CFAP43: variants seen among roughly 807,000 people sequenced by gnomAD.
The protein encoded by CFAP43 is cilia and flagella associated protein 43.
A neutral mutation model predicts 218.9 loss-of-function variants in CFAP43; 155 were observed. The observed-to-expected ratio is 0.71, with a 90% CI of 0.62 to 0.81. The LOEUF is 0.81. Ranked by LOEUF, CFAP43 falls within the 30% of genes least tolerant of loss-of-function variation. The pLI, the probability that CFAP43 is intolerant of heterozygous loss-of-function variation, is 0.00. For synonymous variants in CFAP43, 645 were observed against 681.3 expected (o/e 0.95, Z 0.83); for missense variants, 1,778 against 1,954.3 (o/e 0.91, Z 1.70).
In CFAP43 at chr10:104,159,965, G is replaced by A. The variant is rs543614433; in HGVS notation, c.3540+1072C>T. Among the ~76,000 whole-genome samples the A allele has an allele frequency of 1.4e-4, 22 of 152,302 alleles. No individual in the cohort carries two copies. The South Asian group carries it at 4.4e-3, about 30-fold the overall frequency. On this transcript the variant is annotated intron_variant, in intron 27 of 37. Transcript: ENST00000357060. ...GCTAGGGGAAAAATGGAGTAGCATT[G>A]CGGACCAGCTCTAAGGACCCAGTTG...
At chr10:104,200,311 A>G (rs2134939163) in intron 8 of CFAP43, among the ~76,000 whole-genome samples, 1 of 152,224 alleles carries the variant, frequency 6.6e-6, no homozygotes. Context: ...TTCCCAGTTC[A>G]TCTGCATCTC....
chr10:104,169,330 G>A (rs1289509907), intron 20 of CFAP43, among the ~76,000 whole-genome samples: 2 of 152,184 alleles, frequency 1.3e-5, no homozygotes, highest in African/African-American at 4.8e-5. Context: ...CACATTTGAA[G>A]TGCCAGTTTG....
intron 2 of CFAP43, 47 bp from the exon 3 acceptor site, chr10:104,225,604 G>C (rs747458463): frequency 6.8e-7 from 1 of 1,468,528 alleles, no homozygotes; most frequent in Non-Finnish European, 9.4e-7. Flanking sequence ...TTAAGACCAT[G>C]TTCAGTTAAC....
intron 16 of CFAP43, among the ~76,000 whole-genome samples, chr10:104,183,077 ACACATAAT>A (rs933237015): frequency 2.2e-4 from 34 of 152,220 alleles, no homozygotes; most frequent in African/African-American, 8.2e-4. Flanking sequence ...GCTACTTCAC[ACACATAAT>A]CACATGTGGC....
At chr10:104,157,779 A>C (rs1657337) in intron 27 of CFAP43, among the ~76,000 whole-genome samples, 1 of 97,466 alleles carries the variant, frequency 1.0e-5, no homozygotes, top group African/African-American at 3.7e-5. Flanking sequence ...TGTGTGTGAG[A>C]GAGAGAGAGA....
At chr10:104,210,104 G>T (rs935442649) in intron 5 of CFAP43, among the ~76,000 whole-genome samples, 2 of 152,056 alleles carry the variant, frequency 1.3e-5, no homozygotes, top group Admixed American at 6.6e-5. Context: ...AGGAAATAAC[G>T]AGAAGAAATA....
intron 34 of CFAP43, among the ~76,000 whole-genome samples, chr10:104,137,335 T>A (rs574760578): frequency 6.6e-6 from 1 of 152,266 alleles, no homozygotes; most frequent in South Asian, 2.1e-4. Flanking sequence ...CTTAAAAACA[T>A]GCTAAGTGAA....
intron 24 of CFAP43, among the ~76,000 whole-genome samples, chr10:104,162,899 G>A (rs554423059): frequency 1.3e-5 from 2 of 152,172 alleles, no homozygotes; most frequent in East Asian, 1.9e-4. Context: ...AGGCAGAGAA[G>A]GGACATAGTA....
intron 4 of CFAP43, among the ~76,000 whole-genome samples, chr10:104,213,390 GCT>G (rs2090920165): frequency 6.6e-6 from 1 of 152,072 alleles, no homozygotes; most frequent in African/African-American, 2.4e-5. Flanking sequence ...GAGTCTCCGA[GCT>G]CTTTCTCAAC....
Position 104,166,798 on chromosome 10 carries a change from T to G in CFAP43, c.2809-80A>C, listed in dbSNP as rs182779728. The stretch of plus-strand genomic sequence containing the variant: ...GGGAAATTTTGTGACAACTTAATTA[T>G]TTCAACAATCATTTTAATTTGTTGA... On this transcript the variant is annotated intron_variant, in intron 22 of 37. Transcript: ENST00000357060. The G allele has an allele frequency of 2.2e-3, 2,628 of 1,213,110 alleles. 10 individuals carry two copies. Among genetic ancestry groups the G allele is most frequent in the South Asian group, 3.0e-3 (204 of 67,742 alleles). 75.1% of individuals were successfully genotyped at this position (1,213,110 alleles called of 1,614,324 possible). A position where few individuals can be genotyped will look rare whatever the true frequency, so the allele number is the denominator to read the frequency against.
chr10:104,206,170 C>T lies in CFAP43; in HGVS notation c.896-140G>A, dbSNP rs557792356. The T allele has an allele frequency of 9.2e-6, 6 of 649,586 alleles. No individual in the cohort carries two copies. In the South Asian group the frequency reaches 1.3e-4, roughly 14 times the overall value. The allele number at this position is 649,586 out of a possible 1,614,324, so 40.2% of individuals were successfully genotyped here. On this transcript the variant is annotated intron_variant, in intron 6 of 37. Transcript: ENST00000357060. ...TCTATCATCAGATCTATGTAACTAA[C>T]ATAGATGCTAGATTAGAGAGAGGAG...
In CFAP43 at chr10:104,192,806, G is replaced by C. The variant is rs551417544; in HGVS notation, c.1443-504C>G. 1.8e-5 allele frequency: 3 copies of C among 170,356 alleles called. No homozygotes were observed. In the South Asian group the frequency reaches 4.7e-4, roughly 27 times the overall value. The allele number at this position is 170,356 out of a possible 1,614,324, so 10.6% of individuals were successfully genotyped here. A position where few individuals can be genotyped will look rare whatever the true frequency, so the allele number is the denominator to read the frequency against. ...AAAAAATGACAGTGCAGAAAGGCAG[G>C]GGGTAAATGGAAGGAGGTTATCCAT... is the stretch of plus-strand genomic sequence containing the variant. On this transcript the variant is annotated intron_variant, in intron 11 of 37. Coordinates refer to ENST00000357060, the MANE Select transcript of CFAP43 (RefSeq NM_025145.7).
chr10:104,152,117 A>C (rs1031251466), intron 28 of CFAP43, among the ~76,000 whole-genome samples: 36 of 152,164 alleles, frequency 2.4e-4, no homozygotes, highest in African/African-American at 8.4e-4. Context: ...ATACACTTTG[A>C]ACAAAGCCCT....
At chr10:104,186,191 T>C in intron 14 of CFAP43, 68 bp from the exon 15 acceptor site, 1 of 1,262,976 alleles carries the variant, frequency 7.9e-7, no homozygotes, top group South Asian at 2.1e-5. Context: ...GGTTTGCAGA[T>C]ATACATGCCT....
chr10:104,147,768 G>T, intron 29 of CFAP43, 123 bp downstream of exon 29: 1 of 515,588 alleles, frequency 1.9e-6, no homozygotes, highest in Non-Finnish European at 3.1e-6. Flanking sequence ...GCCAAGGGAT[G>T]CACATGGTTA....
chr10:104,176,246 G>T (rs971788951), intron 19 of CFAP43, among the ~76,000 whole-genome samples: 2 of 152,012 alleles, frequency 1.3e-5, no homozygotes, highest in South Asian at 2.1e-4. Context: ...AGCAGAGAAA[G>T]GATAGTATAT....
intron 34 of CFAP43, among the ~76,000 whole-genome samples, chr10:104,138,970 T>C (rs377364743): frequency 2.1e-3 from 320 of 152,214 alleles, no homozygotes; most frequent in Non-Finnish European, 2.9e-3. Flanking sequence ...CATGAACAAA[T>C]GGGGAATTTC....
chr10:104,172,363 C>T, intron 20 of CFAP43, 47 bp downstream of exon 20: 2 of 1,575,938 alleles, frequency 1.3e-6, no homozygotes, highest in Admixed American at 2.0e-5. Context: ...TATCTTTTTA[C>T]TTCTTTCATC....
rs557992976 is a variant in CFAP43, at chr10:104,182,371, G to A, written c.2284C>T (p.His762Tyr). The A allele has an allele frequency of 3.4e-5, 55 of 1,603,324 alleles. 1 individual carries two copies. The South Asian group carries it at 5.6e-4, about 16-fold the overall frequency. ...VSVDLGSDSEHTKQKASTDLS... is the reference protein window; with the variant it reads ...VSVDLGSDSEYTKQKASTDLS... ...TAGTCATATAGGAACTCAACTGTGT[G>A]TTCAGAATCGGATCCCAAATCTACG... The change falls in exon 17 of 38, where the codon CAC becomes TAC. Residue 762 changes from histidine (H) to tyrosine (Y), a missense_variant. Around this residue, in one of 3 missense-constraint regions of CFAP43, gnomAD observed 1,553 missense variants for 1,685.2 expected, o/e 0.92. Transcript: ENST00000357060.
Sources: allele counts gnomAD v4.1 joint callset (sites outside exome capture counted in the v4.1 genomes callset), GRCh38; gene constraint gnomAD v4.1.1; regional missense constraint gnomAD v4.1.1; transcripts MANE v1.5; gene names NCBI Gene and HGNC (gene_info 2026-07-23, HGNC 2026-07-21).